EPHA6: variants seen among roughly 807,000 people sequenced by gnomAD.
EPHA6 encodes the protein ephrin type-A receptor 6.
Under a neutral mutation model 112.0 loss-of-function variants are expected in EPHA6, and 50 were observed. That is an observed-to-expected ratio of 0.45 (90% CI 0.36 to 0.56). The LOEUF is 0.56. Among genes scored for constraint, EPHA6 ranks in the 20% least tolerant of loss-of-function variants. EPHA6 has a pLI of 0.00. For synonymous variants in EPHA6, 529 were observed against 490.7 expected (o/e 1.08, Z -1.03); for missense variants, 1,280 against 1,417.4 (o/e 0.90, Z 1.56).
chr3:97,241,330 G>A (rs1190221305), intron 4 of EPHA6, among the ~76,000 whole-genome samples: 9 of 151,770 alleles, frequency 5.9e-5, no homozygotes, highest in Admixed American at 5.9e-4. Context: ...AGTCTGGAGG[G>A]TGAAGACTGG....
chr3:97,240,947 A>C (rs1164058462), intron 4 of EPHA6, among the ~76,000 whole-genome samples: 1 of 151,864 alleles, frequency 6.6e-6, no homozygotes, highest in African/African-American at 2.4e-5. Flanking sequence ...GTTTAAAAAC[A>C]ATTTACATTA....
chr3:97,422,384 G>A (rs988476458), intron 6 of EPHA6, among the ~76,000 whole-genome samples: 8 of 152,132 alleles, frequency 5.3e-5, no homozygotes, highest in African/African-American at 1.4e-4. Context: ...TAGGGAAACT[G>A]CAATTCAACA....
intron 3 of EPHA6, among the ~76,000 whole-genome samples, chr3:97,012,494 G>A (rs965241069): frequency 1.5e-4 from 22 of 146,200 alleles, no homozygotes; most frequent in Admixed American, 1.0e-3. Context: ...AACTAATTAT[G>A]TATATTCATA....
chr3:97,356,115 G>A (rs2084062632), intron 5 of EPHA6, among the ~76,000 whole-genome samples: 1 of 152,162 alleles, frequency 6.6e-6, no homozygotes, highest in African/African-American at 2.4e-5. Context: ...TGTCAGATCA[G>A]TGGTAGAATC....
Position 97,408,017 on chromosome 3 carries a change from G to A in EPHA6, c.1731+2743G>A, listed in dbSNP as rs1319433001. Reference sequence around the variant, plus strand: ...GAAGATCAAGGTGCCAATAGGTTTGGTGTCTGGTGAGGGCCCCCTCCTCAT... The same window carrying A: ...GAAGATCAAGGTGCCAATAGGTTTGATGTCTGGTGAGGGCCCCCTCCTCAT... On this transcript the variant is annotated intron_variant, in intron 6 of 17. Transcript: ENST00000389672. 3.3e-5 allele frequency among the ~76,000 whole-genome samples: 5 copies of A among 152,084 alleles called. No individual in the cohort carries two copies. The East Asian group carries it at 9.6e-4, about 29-fold the overall frequency.
At chr3:96,850,753 A>C (rs2035331790) in intron 1 of EPHA6, among the ~76,000 whole-genome samples, 1 of 152,190 alleles carries the variant, frequency 6.6e-6, no homozygotes, top group Admixed American at 6.5e-5. Flanking sequence ...AGAGCTAAAT[A>C]GTCTAAATTT....
chr3:96,890,549 A>G (rs766012750), intron 2 of EPHA6, among the ~76,000 whole-genome samples: 1 of 152,248 alleles, frequency 6.6e-6, no homozygotes, highest in Non-Finnish European at 1.5e-5. Context: ...TAAGGTTGTC[A>G]TTGTAAAATT....
At chr3:96,915,818 T>C (rs1197863483) in intron 2 of EPHA6, among the ~76,000 whole-genome samples, 1 of 152,066 alleles carries the variant, frequency 6.6e-6, no homozygotes, top group African/African-American at 2.4e-5. Context: ...TTCATTCTAT[T>C]TAGTTTGAAA....
intron 1 of EPHA6, among the ~76,000 whole-genome samples, chr3:96,837,478 C>T (rs769407090): frequency 6.6e-6 from 1 of 151,984 alleles, no homozygotes; most frequent in African/African-American, 2.4e-5. Context: ...AGACAAGGAA[C>T]GAATTTTGTA....
chr3:97,284,093 T>C (rs766029161), intron 5 of EPHA6, among the ~76,000 whole-genome samples: 2 of 152,120 alleles, frequency 1.3e-5, no homozygotes, highest in Non-Finnish European at 2.9e-5. Context: ...ATAATACATG[T>C]TTAAATAAAT....
chr3:97,361,837 G>T (rs563383333), intron 5 of EPHA6, among the ~76,000 whole-genome samples: 1 of 152,274 alleles, frequency 6.6e-6, no homozygotes, highest in South Asian at 2.1e-4. Context: ...TTCAACATGA[G>T]TTTTGAAGGC....
At chr3:96,857,941 C>G (rs1353953254) in intron 1 of EPHA6, among the ~76,000 whole-genome samples, 1 of 151,912 alleles carries the variant, frequency 6.6e-6, no homozygotes, top group Non-Finnish European at 1.5e-5. Flanking sequence ...TCTGAATGTT[C>G]AGGAATAGAA....
At chr3:97,250,959 T>G (rs1284977978) in intron 5 of EPHA6, among the ~76,000 whole-genome samples, 1 of 151,858 alleles carries the variant, frequency 6.6e-6, no homozygotes, top group African/African-American at 2.4e-5. Flanking sequence ...CTCTGCCTCC[T>G]GGGTTCAGAC....
Position 96,821,511 on chromosome 3 carries a change from G to A in EPHA6, c.385+6503G>A, listed in dbSNP as rs140080176. Among the ~76,000 whole-genome samples the A allele has an allele frequency of 4.6e-4, 70 of 151,812 alleles. No homozygotes were observed. The East Asian group carries it at 0.01, about 22-fold the overall frequency. ...TCTCTAAAACAAAATGATTATTTAAGCAGATATTTATTGCCTGCTATATGA... is the reference window on the plus strand; with the variant it reads ...TCTCTAAAACAAAATGATTATTTAAACAGATATTTATTGCCTGCTATATGA... On this transcript the variant is annotated intron_variant, in intron 1 of 17. Transcript: ENST00000389672.
intron 1 of EPHA6, among the ~76,000 whole-genome samples, chr3:96,857,653 A>AT (rs145710317): frequency 2.1e-4 from 32 of 151,924 alleles, no homozygotes; most frequent in African/African-American, 6.8e-4. Context: ...TTGTCTTAAT[A>AT]TTTTTTTTAA....
chr3:97,572,147 CTTTTTTTTT>C (rs869271956), intron 11 of EPHA6, among the ~76,000 whole-genome samples: 2 of 128,368 alleles, frequency 1.6e-5, no homozygotes, highest in South Asian at 2.4e-4. Flanking sequence ...ATCTCTTTTC[CTTTTTTTTT>C]TTTTTTTTTT....
chr3:97,191,934 T>G (rs2077317387), intron 3 of EPHA6, among the ~76,000 whole-genome samples: 1 of 152,174 alleles, frequency 6.6e-6, no homozygotes. Flanking sequence ...ACTGTACTAA[T>G]TTACATTCCT....
intron 3 of EPHA6, among the ~76,000 whole-genome samples, chr3:97,012,180 G>A (rs2044109905): frequency 1.3e-5 from 2 of 152,054 alleles, no homozygotes; most frequent in Admixed American, 6.6e-5. Flanking sequence ...CCCAGTAATG[G>A]GATTGTTGGA....
chr3:97,545,850 G>A (rs924074777), intron 11 of EPHA6, among the ~76,000 whole-genome samples: 2 of 152,012 alleles, frequency 1.3e-5, no homozygotes, highest in Admixed American at 1.3e-4. Flanking sequence ...GATCTTTGTT[G>A]GTTTAAAGTC....
Sources: allele counts gnomAD v4.1 joint callset (sites outside exome capture counted in the v4.1 genomes callset), GRCh38; gene constraint gnomAD v4.1.1; transcripts MANE v1.5; gene names NCBI Gene and HGNC (gene_info 2026-07-23, HGNC 2026-07-21).